CMSS1: variants seen among roughly 807,000 people sequenced by gnomAD.
The protein encoded by CMSS1 is protein CMSS1.
CMSS1 carries 33 observed loss-of-function variants against 43.5 expected under a neutral mutation model. The ratio of observed to expected loss-of-function variants is 0.76; its 90% CI spans 0.57 to 1.01. The LOEUF (loss-of-function observed/expected upper bound fraction) is 1.01, where lower values mean the gene tolerates loss of function less well. Among genes scored for constraint, CMSS1 ranks in the 50% least tolerant of loss-of-function variants. The pLI is 0.00. For missense variants in CMSS1, 313 were observed against 326.4 expected (o/e 0.96, Z 0.32); for synonymous variants, 115 against 117.2 (o/e 0.98, Z 0.12).
chr3:100,021,115 A>T (rs1364047037), intron 1 of CMSS1, among the ~76,000 whole-genome samples: 1 of 152,218 alleles, frequency 6.6e-6, no homozygotes, highest in East Asian at 1.9e-4. Context: ...AAGGCCGGTC[A>T]ATTGCCTAAG....
chr3:100,170,557 G>C (rs403858), intron 6 of CMSS1, among the ~76,000 whole-genome samples: 2,237 of 150,660 alleles, frequency 0.015, 56 homozygotes, highest in African/African-American at 0.052. Context: ...GGTTTAAGAA[G>C]AAAAAAAAAG....
chr3:100,055,267 C>A (rs1302785357), intron 1 of CMSS1, among the ~76,000 whole-genome samples: 1 of 152,234 alleles, frequency 6.6e-6, no homozygotes, highest in African/African-American at 2.4e-5. Flanking sequence ...AACAATGTCT[C>A]TCTTGCTTTC....
chr3:100,098,601 G>T (rs1370802260), intron 1 of CMSS1, among the ~76,000 whole-genome samples: 1 of 152,180 alleles, frequency 6.6e-6, no homozygotes, highest in Admixed American at 6.5e-5. Context: ...ACCAGTACAT[G>T]CAAGGAAGTT....
chr3:99,933,090 G>C (rs930953021), intron 1 of CMSS1, among the ~76,000 whole-genome samples: 17 of 152,156 alleles, frequency 1.1e-4, no homozygotes, highest in African/African-American at 4.1e-4. Context: ...ACTTATTGAA[G>C]GTTGCACAGC....
At chr3:99,892,172 T>C (rs1455158664) in intron 1 of CMSS1, among the ~76,000 whole-genome samples, 1 of 152,224 alleles carries the variant, frequency 6.6e-6, no homozygotes, top group African/African-American at 2.4e-5. Context: ...ATGTGAATGA[T>C]GCCACTTTGA....
At chr3:99,901,032 G>A (rs1405172741) in intron 1 of CMSS1, among the ~76,000 whole-genome samples, 1 of 152,210 alleles carries the variant, frequency 6.6e-6, no homozygotes, top group Non-Finnish European at 1.5e-5. Context: ...AGGCAGGCAG[G>A]GAATACTGGG....
At chr3:99,886,125 G>T (rs556040938) in intron 1 of CMSS1, among the ~76,000 whole-genome samples, 2 of 152,364 alleles carry the variant, frequency 1.3e-5, no homozygotes, top group South Asian at 2.1e-4. Context: ...GCACATGGAC[G>T]TGAGTGAGAG....
chr3:99,879,828 T>C (rs1705661416), intron 1 of CMSS1, among the ~76,000 whole-genome samples: 1 of 152,198 alleles, frequency 6.6e-6, no homozygotes, highest in South Asian at 2.1e-4. Flanking sequence ...CCTGGTCTTA[T>C]GGACCTGGTC....
intron 1 of CMSS1, among the ~76,000 whole-genome samples, chr3:99,828,350 TA>T (rs1307157801): frequency 6.6e-6 from 1 of 151,984 alleles, no homozygotes; most frequent in Non-Finnish European, 1.5e-5. Context: ...CTATTCACTC[TA>T]GATTTATCAA....
At chr3:100,138,062 G>C (rs771375259) in intron 1 of CMSS1, among the ~76,000 whole-genome samples, 1 of 152,082 alleles carries the variant, frequency 6.6e-6, no homozygotes, top group African/African-American at 2.4e-5. Context: ...TCTGATCTTC[G>C]ACAAACCTGA....
intron 1 of CMSS1, among the ~76,000 whole-genome samples, chr3:99,888,024 A>G (rs1369590681): frequency 6.6e-6 from 1 of 152,174 alleles, no homozygotes; most frequent in Non-Finnish European, 1.5e-5. Flanking sequence ...GATTACAGGC[A>G]TGAGCCACTG....
intron 1 of CMSS1, among the ~76,000 whole-genome samples, chr3:99,867,090 G>A (rs1008093754): frequency 2.6e-5 from 4 of 152,166 alleles, no homozygotes; most frequent in African/African-American, 7.2e-5. Context: ...AGATGAACAT[G>A]TTCTAGAGGA....
At position 100,180,560 on chromosome 3, in the gene CMSS1, C is replaced by G. The variant is rs2067178176; in HGVS notation, c.*2172C>G. ...GCCACCAGTCTCTGCTAAAGCATAGCAAGAGTGACCTTTGCTCCAGTTCCT... is the reference window on the plus strand; with the variant it reads ...GCCACCAGTCTCTGCTAAAGCATAGGAAGAGTGACCTTTGCTCCAGTTCCT... On this transcript the variant is annotated 3_prime_UTR_variant, in exon 10 of 10. Coordinates refer to ENST00000421999, the MANE Select transcript of CMSS1 (RefSeq NM_032359.4). 6.6e-6 allele frequency: 1 copy of G among 152,256 alleles called. No homozygotes were observed. Among genetic ancestry groups the G allele is most frequent in the South Asian group, 2.1e-4 (1 of 4,826 alleles). The allele number at this position is 152,256 out of a possible 1,614,324, so 9.4% of individuals were successfully genotyped here.
At chr3:100,020,567 A>G (rs963809796) in intron 1 of CMSS1, among the ~76,000 whole-genome samples, 3 of 152,188 alleles carry the variant, frequency 2.0e-5, no homozygotes, top group Admixed American at 6.5e-5. Flanking sequence ...CAATTGGGTT[A>G]TATCTTTTGC....
intron 1 of CMSS1, among the ~76,000 whole-genome samples, chr3:99,949,877 C>T (rs1269993802): frequency 2.0e-5 from 3 of 152,158 alleles, no homozygotes; most frequent in African/African-American, 7.2e-5. Flanking sequence ...TTACCAAGGA[C>T]ATTCTTAATC....
At chr3:100,162,511 AATTAACAC>A (rs2067033204) in intron 4 of CMSS1, 79 bp downstream of exon 4, 2 of 1,468,220 alleles carry the variant, frequency 1.4e-6, no homozygotes, top group Non-Finnish European at 1.9e-6. Flanking sequence ...TCAGGCAGTC[AATTAACAC>A]ATTTTCCAGC....
chr3:99,930,904 G>A, intron 1 of CMSS1: 1 of 1,613,594 alleles, frequency 6.2e-7, no homozygotes, highest in Non-Finnish European at 8.5e-7. Flanking sequence ...CACTGGGGGA[G>A]TCTTTGTCTT....
At chr3:100,120,139 A>G (rs1220096073) in intron 1 of CMSS1, among the ~76,000 whole-genome samples, 5 of 152,368 alleles carry the variant, frequency 3.3e-5, no homozygotes, top group South Asian at 4.1e-4. Context: ...TCCAGGGACT[A>G]TCTCTTCATG....
intron 1 of CMSS1, among the ~76,000 whole-genome samples, chr3:100,050,571 G>T (rs771794993): frequency 6.6e-6 from 1 of 151,994 alleles, no homozygotes; most frequent in Non-Finnish European, 1.5e-5. Flanking sequence ...TCGCTCTATT[G>T]CCCAGGCTGG....
Sources: gnomAD v4.1 joint callset for allele counts (sites outside exome capture counted in the v4.1 genomes callset) on GRCh38, gnomAD v4.1.1 for gene constraint, MANE v1.5 for transcripts, NCBI Gene and HGNC (gene_info 2026-07-23, HGNC 2026-07-21) for gene names.